Variants in CDKAL1 observed in about 807,000 individuals in gnomAD.
The protein encoded by CDKAL1 is CDKAL1 threonylcarbamoyladenosine tRNA methylthiotransferase, also known as threonylcarbamoyladenosine tRNA methylthiotransferase.
CDKAL1 carries 32 observed loss-of-function variants against 68.2 expected under a neutral mutation model. The ratio of observed to expected loss-of-function variants is 0.47; its 90% CI spans 0.35 to 0.63. CDKAL1 has a LOEUF of 0.63. Among genes scored for constraint, CDKAL1 ranks in the 30% least tolerant of loss-of-function variants. The pLI is 0.00. For synonymous variants in CDKAL1, 234 were observed against 244.3 expected (o/e 0.96, Z 0.39); for missense variants, 606 against 696.7 (o/e 0.87, Z 1.47).
chr6:21,121,132 T>A (rs1774689081), intron 13 of CDKAL1, among the ~76,000 whole-genome samples: 1 of 152,330 alleles, frequency 6.6e-6, no homozygotes, highest in South Asian at 2.1e-4. Context: ...AACTAACTTT[T>A]AAAATCTTTC....
intron 4 of CDKAL1, among the ~76,000 whole-genome samples, chr6:20,637,885 T>A (rs1459257218): frequency 6.6e-6 from 1 of 152,226 alleles, no homozygotes; most frequent in Non-Finnish European, 1.5e-5. Flanking sequence ...ATATTTTTAT[T>A]GTCTTATTTT....
chr6:20,591,497 T>TGCA, intron 4 of CDKAL1, among the ~76,000 whole-genome samples: 1 of 152,336 alleles, frequency 6.6e-6, no homozygotes, highest in African/African-American at 2.4e-5. Flanking sequence ...GTCTTACGTT[T>TGCA]AAGTCTTTAA....
At chr6:20,829,329 T>C (rs1335488738) in intron 8 of CDKAL1, among the ~76,000 whole-genome samples, 1 of 152,216 alleles carries the variant, frequency 6.6e-6, no homozygotes, top group Non-Finnish European at 1.5e-5. Context: ...CTGTGGAATT[T>C]TGTGTTGTTT....
chr6:20,961,553 G>A (rs1385319889), intron 10 of CDKAL1, among the ~76,000 whole-genome samples: 1 of 152,142 alleles, frequency 6.6e-6, no homozygotes, highest in Non-Finnish European at 1.5e-5. Context: ...GGATCACGAG[G>A]TCAGGAGATC....
At chr6:20,913,006 A>G (rs945706500) in intron 9 of CDKAL1, among the ~76,000 whole-genome samples, 6 of 151,950 alleles carry the variant, frequency 3.9e-5, no homozygotes, top group African/African-American at 9.7e-5. Context: ...CAAAAAAAAA[A>G]GAAAACAAAA....
At chr6:20,580,843 G>T (rs1765114207) in intron 4 of CDKAL1, among the ~76,000 whole-genome samples, 1 of 151,672 alleles carries the variant, frequency 6.6e-6, no homozygotes, top group Non-Finnish European at 1.5e-5. Context: ...AGGCTGAAGT[G>T]CAATGGTGCG....
At chr6:20,895,432 C>G (rs1192281259) in intron 9 of CDKAL1, among the ~76,000 whole-genome samples, 1 of 152,190 alleles carries the variant, frequency 6.6e-6, no homozygotes, top group African/African-American at 2.4e-5. Flanking sequence ...TACCTAAATG[C>G]ACTCCTGTAC....
chr6:20,766,784 G>C (rs935429517), intron 7 of CDKAL1, among the ~76,000 whole-genome samples: 2 of 151,836 alleles, frequency 1.3e-5, no homozygotes, highest in African/African-American at 4.8e-5. Flanking sequence ...TGATTCCCAG[G>C]GTTCTCGTTT....
intron 13 of CDKAL1, among the ~76,000 whole-genome samples, chr6:21,164,808 A>C (rs1160813129): frequency 6.6e-6 from 1 of 152,172 alleles, no homozygotes; most frequent in African/African-American, 2.4e-5. Context: ...CCAGCCTTTA[A>C]GCCACCACTG....
chr6:20,964,821 G>T (rs754847662), intron 10 of CDKAL1, among the ~76,000 whole-genome samples: 13 of 152,112 alleles, frequency 8.5e-5, no homozygotes, highest in Non-Finnish European at 1.9e-4. Context: ...CAAAACTTCT[G>T]AACTTCTCAA....
chr6:20,542,794 C>T (rs1331735244), intron 2 of CDKAL1, among the ~76,000 whole-genome samples: 2 of 152,162 alleles, frequency 1.3e-5, no homozygotes, highest in East Asian at 3.9e-4. Context: ...TCATGTTGCT[C>T]TTTTATAGTC....
chr6:20,900,773 C>G (rs1761922051), intron 9 of CDKAL1, among the ~76,000 whole-genome samples: 1 of 152,112 alleles, frequency 6.6e-6, no homozygotes, highest in African/African-American at 2.4e-5. Flanking sequence ...ACTGTAGTAT[C>G]CCTGCCTAAG....
At chr6:20,848,495 GTT>G (rs1758811194) in intron 9 of CDKAL1, among the ~76,000 whole-genome samples, 2 of 152,128 alleles carry the variant, frequency 1.3e-5, no homozygotes, top group Non-Finnish European at 2.9e-5. Flanking sequence ...TCTTTAGTAA[GTT>G]AACATTGTCA....
intron 13 of CDKAL1, among the ~76,000 whole-genome samples, chr6:21,180,417 C>T (rs1777745517): frequency 6.7e-6 from 1 of 149,564 alleles, no homozygotes; most frequent in Non-Finnish European, 1.5e-5. Context: ...AATACGTCAA[C>T]TGGAATACAC....
At chr6:21,026,255 C>G (rs1429687933) in intron 11 of CDKAL1, among the ~76,000 whole-genome samples, 1 of 151,936 alleles carries the variant, frequency 6.6e-6, no homozygotes. Context: ...TTTTTCTGTT[C>G]TGTATGTTCA....
At chr6:20,921,075 A>C (rs796345499) in intron 9 of CDKAL1, among the ~76,000 whole-genome samples, 2 of 152,190 alleles carry the variant, frequency 1.3e-5, no homozygotes, top group Non-Finnish European at 2.9e-5. Context: ...GATGCTTTAC[A>C]TAATTTATCT....
At chr6:20,830,643 C>T (rs1468287002) in intron 8 of CDKAL1, among the ~76,000 whole-genome samples, 1 of 152,096 alleles carries the variant, frequency 6.6e-6, no homozygotes, top group Non-Finnish European at 1.5e-5. Context: ...GTCCTCCTTC[C>T]CTTTTCTCTA....
chr6:20,749,943 C>T (rs1773843559), intron 6 of CDKAL1, among the ~76,000 whole-genome samples: 1 of 151,788 alleles, frequency 6.6e-6, no homozygotes, highest in Admixed American at 6.6e-5. Context: ...TAGGCTCAAA[C>T]AATCTTCCCG....
At chr6:20,785,019 G>A (rs1159059290) in intron 8 of CDKAL1, among the ~76,000 whole-genome samples, 1 of 151,292 alleles carries the variant, frequency 6.6e-6, no homozygotes, top group Non-Finnish European at 1.5e-5. Context: ...TCTTCAAATG[G>A]GCCTGCTCTT....
Sources: allele counts gnomAD v4.1 joint callset (sites outside exome capture counted in the v4.1 genomes callset), GRCh38; gene constraint gnomAD v4.1.1; transcripts MANE v1.5; gene names NCBI Gene and HGNC (gene_info 2026-07-23, HGNC 2026-07-21).